Variants in GNAI2 observed in about 807,000 individuals in gnomAD.
The protein encoded by GNAI2 is guanine nucleotide-binding protein G(i) subunit alpha-2.
GNAI2 carries 4 observed loss-of-function variants against 36.8 expected under a neutral mutation model. That is an observed-to-expected ratio of 0.11 (90% confidence interval 0.05 to 0.25). GNAI2 has a LOEUF of 0.25. Among genes scored for constraint, GNAI2 ranks in the 10% least tolerant of loss-of-function variants. The probability of loss-of-function intolerance (pLI) is 1.00; values close to 1 mark genes in which losing one functional copy is unlikely to be tolerated. For synonymous variants in GNAI2, 194 were observed against 194.1 expected, an observed-to-expected ratio of 1.00 and a Z score of 0.01; for missense variants, 230 against 481.3, an observed-to-expected ratio of 0.48 and a Z score of 4.89.
rs2109217238 is a variant in GNAI2, at chr3:50,255,647, A to G, written c.465-545A>G. On this transcript the variant is annotated intron_variant, in intron 4 of 8. Coordinates refer to ENST00000313601, the MANE Select transcript of GNAI2 (RefSeq NM_002070.4). The surrounding 1 kb of genome is among the most constrained non-coding windows in gnomAD (Gnocchi z 4.0). Reference sequence around the variant, plus strand: ...GGAGCTTGGCTGGCTAGCTGTCCACAGAGCTGCACCTCCTCCCATTCCCAT... The same window carrying G: ...GGAGCTTGGCTGGCTAGCTGTCCACGGAGCTGCACCTCCTCCCATTCCCAT... Among the ~76,000 whole-genome samples, 1 of 152,302 alleles carries G rather than the reference A, an allele frequency of 6.6e-6. No homozygotes were observed. The highest frequency in any genetic ancestry group is 2.1e-4 in the South Asian group (1 of 4,828).
intron 1 of GNAI2, chr3:50,240,056 A>C (rs1700264911): frequency 6.6e-6 from 1 of 152,306 alleles, no homozygotes; most frequent in African/African-American, 2.4e-5. Context: ...CATACTATAG[A>C]TGCCTAATGA....
chr3:50,234,513 C>T (rs1254429498), upstream of GNAI2, among the ~76,000 whole-genome samples: 1 of 152,036 alleles, frequency 6.6e-6, no homozygotes, highest in Non-Finnish European at 1.5e-5. Flanking sequence ...CACCACACCC[C>T]GCTAATTTTT....
chr3:50,250,638 G>C (rs1553702313), intron 1 of GNAI2, among the ~76,000 whole-genome samples: 1 of 152,178 alleles, frequency 6.6e-6, no homozygotes, highest in Non-Finnish European at 1.5e-5. Flanking sequence ...CAAGCCAGCA[G>C]CAAGGGAGCA....
rs1229367007 is a variant in GNAI2 at position 50,256,246 on chromosome 3, A to C, written c.519A>C (p.Gln173His). 1.2e-6 allele frequency: 2 copies of C among 1,610,702 alleles called. No individual in the cohort carries two copies. Among genetic ancestry groups the C allele is most frequent in the African/African-American group, 2.7e-5 (2 of 74,758 alleles). ...IAQSDYIPTQ[Q>H]DVLRTRVKTT... ...AGAGTGACTACATCCCCACACAGCA[A>C]GATGTGCTACGGACCCGCGTAAAGA... The change falls in exon 5 of 9, where the codon CAA (glutamine) becomes CAC (histidine). Residue 173 changes from glutamine to histidine, a missense_variant. This residue lies in a region of GNAI2 where 132 missense variants were observed against 247.4 expected (regional missense o/e 0.53). Coordinates refer to ENST00000313601, the MANE Select transcript of GNAI2 (RefSeq NM_002070.4).
At chr3:50,246,447 G>A (rs1228664210) in intron 1 of GNAI2, among the ~76,000 whole-genome samples, 16 of 152,330 alleles carry the variant, frequency 1.1e-4, no homozygotes, top group East Asian at 3.9e-4. Flanking sequence ...AGGCTGAGCT[G>A]GAGATGTGGC....
rs1553703521 is a variant in GNAI2, at chr3:50,257,734, G to T, written c.*24+20G>T. On this transcript the variant is annotated intron_variant, in intron 8 of 8. Coordinates refer to ENST00000313601, the MANE Select transcript of GNAI2 (RefSeq NM_002070.4). ...GGGATGGTGAGCCAGAGGGGCTGTG[G>T]CAGGGTGCTGGGGAAGAACTAAGCG... is the stretch of plus-strand genomic sequence containing the variant. 4 of 1,424,890 alleles carry T rather than the reference G, an allele frequency of 2.8e-6. No homozygotes were observed. The African/African-American group carries it at 5.7e-5, about 20-fold the overall frequency. The allele number at this position is 1,424,890 out of a possible 1,614,324, so 88.3% of individuals were successfully genotyped here. A position where few individuals can be genotyped will look rare whatever the true frequency, so the allele number is the denominator to read the frequency against.
At position 50,238,566 on chromosome 3, in the gene GNAI2, T is replaced by G. The variant is rs1253908440; in HGVS notation, c.118+2113T>G. 2 of 152,336 alleles carry G rather than the reference T, an allele frequency of 1.3e-5. No homozygotes were observed. The highest frequency in any genetic ancestry group is 2.9e-5 in the Non-Finnish European group (2 of 68,126). 9.4% of individuals were successfully genotyped at this position (152,336 alleles called of 1,614,324 possible). A position where few individuals can be genotyped will look rare whatever the true frequency, so the allele number is the denominator to read the frequency against. On this transcript the variant is annotated intron_variant, in intron 1 of 8. Transcript: ENST00000313601. This position sits in a 1 kb window ranked among gnomAD's most constrained non-coding sequence, Gnocchi z 5.0. ...TCTGTGAAATGGGCTTCCTGGGTTT[T>G]GGCCAAAGGAGTGCCCCAGGTCAGG...
rs369059120 is a variant in GNAI2, at chr3:50,230,978, G to T, written c.-59G>T. ...TCCTGGCCCACTCTGGACCTCAGCT[G>T]ACTCAGCTGCAAAGCAAGGGGTTTG... On this transcript the variant is annotated 5_prime_UTR_variant, in exon 1 of 9. Transcript: ENST00000266027. 36 of 984,842 alleles carry T rather than the reference G, an allele frequency of 3.7e-5. No homozygotes were observed. In the African/African-American group the frequency reaches 6.1e-4, roughly 17 times the overall value. The allele number at this position is 984,842 out of a possible 1,614,324, so 61.0% of individuals were successfully genotyped here.
rs1700306390 is a variant in GNAI2 at position 50,241,826 on chromosome 3, C to T, written c.118+5373C>T. 6.6e-6 allele frequency among the ~76,000 whole-genome samples: 1 copy of T among 152,156 alleles called. No homozygotes were observed. Among genetic ancestry groups the T allele is most frequent in the Non-Finnish European group, 1.5e-5 (1 of 68,002 alleles). On this transcript the variant is annotated intron_variant, in intron 1 of 8. Transcript: ENST00000313601. This position sits in a 1 kb window ranked among gnomAD's most constrained non-coding sequence, Gnocchi z 5.0. The stretch of plus-strand genomic sequence containing the variant: ...CCGGGACCCCTTTGGCCCTGGGCAG[C>T]TTGTCAGCGGTTGGCCCTGGGTGGC...
intron 1 of GNAI2, among the ~76,000 whole-genome samples, chr3:50,240,469 G>C (rs999515361): frequency 6.6e-6 from 1 of 152,162 alleles, no homozygotes; most frequent in Non-Finnish European, 1.5e-5. Flanking sequence ...ACCTGAGTTC[G>C]AATCCCAGTT....
chr3:50,237,307 G>A (rs1553700493), intron 1 of GNAI2, among the ~76,000 whole-genome samples: 1 of 152,162 alleles, frequency 6.6e-6, no homozygotes, highest in African/African-American at 2.4e-5. Context: ...GCTTCCCAAG[G>A]AGGCTCTATG....
At chr3:50,230,750 C>G, upstream of GNAI2, 1 of 944,080 alleles carries the variant, frequency 1.1e-6, no homozygotes, top group South Asian at 4.9e-5. Context: ...TGATGTCATT[C>G]CATTGTCCTT....
At chr3:50,248,056 G>A (rs1553701952) in intron 1 of GNAI2, among the ~76,000 whole-genome samples, 1 of 152,242 alleles carries the variant, frequency 6.6e-6, no homozygotes, top group East Asian at 1.9e-4. Flanking sequence ...CCAACATGGT[G>A]AAACCCTGTC....
intron 8 of GNAI2, 77 bp downstream of exon 8, chr3:50,257,791 T>TGGGGGGGGG: frequency 2.0e-5 from 2 of 99,318 alleles, no homozygotes; most frequent in East Asian, 1.9e-4. Context: ...GTTCTGGGGG[T>TGGGGGGGGG]GGGTAGGGGG....
At position 50,252,859 on chromosome 3, in the gene GNAI2, G is replaced by A. The variant is rs1240026248; in HGVS notation, c.304-165G>A. 2.0e-5 allele frequency among the ~76,000 whole-genome samples: 3 copies of A among 152,262 alleles called. No individual in the cohort carries two copies. Among genetic ancestry groups the A allele is most frequent in the South Asian group, 4.1e-4 (2 of 4,830 alleles). ...AGCCTTGGTGACAGAGCTAGACTCC[G>A]TCACAGAAAAAAGTAAACAACAACA... On this transcript the variant is annotated intron_variant, in intron 3 of 8. Coordinates refer to ENST00000313601, the MANE Select transcript of GNAI2 (RefSeq NM_002070.4). The surrounding 1 kb of genome is among the most constrained non-coding windows in gnomAD (Gnocchi z 4.1).
chr3:50,257,753 C>A, intron 8 of GNAI2, 39 bp downstream of exon 8: 2 of 1,061,498 alleles, frequency 1.9e-6, no homozygotes, highest in Non-Finnish European at 2.6e-6. Flanking sequence ...TGGGGAAGAA[C>A]TAAGCGGGCC....
At chr3:50,232,683 G>A (rs782294555), upstream of GNAI2, among the ~76,000 whole-genome samples, 6 of 152,316 alleles carry the variant, frequency 3.9e-5, no homozygotes, top group South Asian at 2.1e-4. Flanking sequence ...GAGCAAGGGG[G>A]TGATGTGATT....
chr3:50,257,335 T>C (rs1385407022), intron 7 of GNAI2, among the ~76,000 whole-genome samples, 165 bp from the exon 8 acceptor site: 1 of 152,196 alleles, frequency 6.6e-6, no homozygotes, highest in Non-Finnish European at 1.5e-5. Flanking sequence ...GGGGTACCCC[T>C]TTGCACATCT....
chr3:50,251,839 G>A, intron 1 of GNAI2: 2 of 1,261,126 alleles, frequency 1.6e-6, no homozygotes, highest in Non-Finnish European at 2.1e-6. Flanking sequence ...GCCATGGTGG[G>A]CAGCAGAGCT....
Sources: gnomAD v4.1 joint callset for allele counts (sites outside exome capture counted in the v4.1 genomes callset) on GRCh38, gnomAD v4.1.1 for gene constraint, gnomAD v4.1.1 regional missense constraint, Gnocchi (gnomAD v3.1) non-coding constraint, MANE v1.5 for transcripts, NCBI Gene and HGNC (gene_info 2026-07-23, HGNC 2026-07-21) for gene names.